Variants in ACSS3 observed in about 807,000 individuals in gnomAD.
ACSS3 encodes the protein acyl-CoA synthetase short chain family member 3, also known as acyl-CoA synthetase short-chain family member 3, mitochondrial.
Under a neutral mutation model 84.2 loss-of-function variants are expected in ACSS3, and 64 were observed. The ratio of observed to expected loss-of-function variants is 0.76; its 90% CI spans 0.62 to 0.94. The LOEUF (loss-of-function observed/expected upper bound fraction) is 0.94, where lower values mean the gene tolerates loss of function less well. Ranked by LOEUF, ACSS3 falls within the 40% of genes least tolerant of loss-of-function variation. The probability of loss-of-function intolerance (pLI) is 0.00; values close to 1 mark genes in which losing one functional copy is unlikely to be tolerated. For synonymous variants in ACSS3, 317 were observed against 310.1 expected, an observed-to-expected ratio of 1.02 and a Z score of -0.23; for missense variants, 815 against 867.6, an observed-to-expected ratio of 0.94 and a Z score of 0.76.
In ACSS3 at chr12:81,257,475, T is replaced by G. The variant is rs987038286; in HGVS notation, c.*2553T>G. ...ATATTACTAAAAAATGCAGACATACTTAAACTTGCTAGAATAAATTCTGTG... is the reference window on the plus strand; with the variant it reads ...ATATTACTAAAAAATGCAGACATACGTAAACTTGCTAGAATAAATTCTGTG... On this transcript the variant is annotated 3_prime_UTR_variant, in exon 16 of 16. Transcript: ENST00000548058. 36 of 151,028 alleles carry G rather than the reference T, an allele frequency of 2.4e-4. No homozygotes were observed. The highest frequency in any genetic ancestry group is 8.7e-4 in the African/African-American group (35 of 40,378). The allele number at this position is 151,028 out of a possible 1,614,324, so 9.4% of individuals were successfully genotyped here.
At chr12:81,080,223 A>G (rs11114750) in intron 1 of ACSS3, among the ~76,000 whole-genome samples, 51,929 of 151,880 alleles carry the variant, frequency 0.34, 9,228 homozygotes, top group East Asian at 0.48. Flanking sequence ...ATTCGAGAGG[A>G]CAATTAGGGA....
At chr12:81,152,138 T>C (rs1379495381) in intron 7 of ACSS3, 42 bp downstream of exon 7, 1 of 1,533,610 alleles carries the variant, frequency 6.5e-7, no homozygotes, top group Admixed American at 1.8e-5. Flanking sequence ...TGATATTTAT[T>C]TTATTAAAAC....
At position 81,258,284 on chromosome 12, in the gene ACSS3, T is replaced by A. The variant is rs1408350934; in HGVS notation, c.*3362T>A. On this transcript the variant is annotated 3_prime_UTR_variant, in exon 16 of 16. Coordinates refer to ENST00000548058, the MANE Select transcript of ACSS3 (RefSeq NM_024560.4). Reference sequence around the variant, plus strand: ...AGAGAACTGGAATTATTATTTTTTTTATTGACAATGGAAAGGGTTTCTGTT... The same window carrying A: ...AGAGAACTGGAATTATTATTTTTTTAATTGACAATGGAAAGGGTTTCTGTT... 2.0e-5 allele frequency: 3 copies of A among 152,154 alleles called. No homozygotes were observed. The highest frequency in any genetic ancestry group is 7.2e-5 in the African/African-American group (3 of 41,444). 9.4% of individuals were successfully genotyped at this position (152,154 alleles called of 1,614,324 possible).
At chr12:81,216,004 A>T (rs2032898131) in intron 9 of ACSS3, among the ~76,000 whole-genome samples, 1 of 152,170 alleles carries the variant, frequency 6.6e-6, no homozygotes, top group Admixed American at 6.5e-5. Flanking sequence ...GGGGCTTCTA[A>T]CATCCAGGAA....
Position 81,083,135 on chromosome 12 carries a change from G to T in ACSS3, c.311+4704G>T, listed in dbSNP as rs12316141. Among the ~76,000 whole-genome samples, 1,184 of 151,746 alleles carry T rather than the reference G, an allele frequency of 7.8e-3. 19 individuals are homozygous for T. The highest frequency in any genetic ancestry group is 0.027 in the African/African-American group (1,127 of 41,536). On this transcript the variant is annotated intron_variant, in intron 1 of 15. Coordinates refer to ENST00000548058, the MANE Select transcript of ACSS3 (RefSeq NM_024560.4). ...TAGACCAGCTGGCTTTTAGTGGCTTGTCTGAGTTGCTGGGACTTACTTTCA... is the reference window on the plus strand; with the variant it reads ...TAGACCAGCTGGCTTTTAGTGGCTTTTCTGAGTTGCTGGGACTTACTTTCA...
At chr12:81,248,590 G>A (rs549025935) in intron 13 of ACSS3, among the ~76,000 whole-genome samples, 14 of 151,980 alleles carry the variant, frequency 9.2e-5, no homozygotes, top group Non-Finnish European at 1.3e-4. Context: ...AAAAGAGATC[G>A]GTTAATGGGT....
At chr12:81,211,405 C>A (rs1463947852) in intron 9 of ACSS3, among the ~76,000 whole-genome samples, 1 of 152,118 alleles carries the variant, frequency 6.6e-6, no homozygotes, top group Non-Finnish European at 1.5e-5. Flanking sequence ...TTTATAAGAA[C>A]TGCCAAATTC....
intron 8 of ACSS3, among the ~76,000 whole-genome samples, chr12:81,184,119 T>G (rs2031110593): frequency 6.6e-6 from 1 of 152,016 alleles, no homozygotes; most frequent in South Asian, 2.1e-4. Context: ...TATGAAACTA[T>G]AAGTTAATAA....
At chr12:81,163,094 A>G (rs1431768803) in intron 7 of ACSS3, among the ~76,000 whole-genome samples, 5 of 152,112 alleles carry the variant, frequency 3.3e-5, no homozygotes, top group Admixed American at 6.5e-5. Context: ...TAACCATTCC[A>G]GATGGGCCAC....
At chr12:81,224,517 CAT>C (rs2033205443) in intron 11 of ACSS3, among the ~76,000 whole-genome samples, 1 of 151,380 alleles carries the variant, frequency 6.6e-6, no homozygotes, top group South Asian at 2.1e-4. Flanking sequence ...TTTCTTATCA[CAT>C]GTTTACATAT....
At chr12:81,216,819 T>C (rs1422763567) in intron 9 of ACSS3, 82 bp from the exon 10 acceptor site, 2 of 1,090,466 alleles carry the variant, frequency 1.8e-6, no homozygotes. Flanking sequence ...CAAACTAGGG[T>C]GGGGTAGAGT....
At chr12:81,155,738 T>C (rs966392121) in intron 7 of ACSS3, among the ~76,000 whole-genome samples, 1 of 152,248 alleles carries the variant, frequency 6.6e-6, no homozygotes, top group African/African-American at 2.4e-5. Context: ...TATGTCATGT[T>C]GACTTATGTC....
Position 81,233,482 on chromosome 12 carries a change from A to C in ACSS3, c.1719+11A>C. On this transcript the variant is annotated intron_variant, in intron 13 of 15. Transcript: ENST00000548058. ...GGCGCCATTGAAGAGGTATTGATGA[A>C]TATTGGTATTCTATTCCAAGTAGTG... 1 of 1,609,794 alleles carries C rather than the reference A, an allele frequency of 6.2e-7. No individual in the cohort carries two copies. The highest frequency in any genetic ancestry group is 8.5e-7 in the Non-Finnish European group (1 of 1,177,200).
At chr12:81,249,823 C>G (rs768820295) in intron 13 of ACSS3, among the ~76,000 whole-genome samples, 62 of 151,964 alleles carry the variant, frequency 4.1e-4, no homozygotes, top group Non-Finnish European at 7.7e-4. Context: ...CTGGCTCCTC[C>G]CATCTTATGA....
Position 81,111,033 on chromosome 12 carries a change from G to A in ACSS3, c.456+1329G>A, listed in dbSNP as rs528665398. Among the ~76,000 whole-genome samples the A allele has an allele frequency of 6.0e-4, 92 of 152,258 alleles. 1 individual carries two copies. The highest frequency in any genetic ancestry group is 2.1e-3 in the African/African-American group (88 of 41,560). Reference sequence around the variant, plus strand: ...TAAAGGATCGCCTTTCCAGTCCTGAGTTGTTGCAAATAAGAGAGAAGAGTT... The same window carrying A: ...TAAAGGATCGCCTTTCCAGTCCTGAATTGTTGCAAATAAGAGAGAAGAGTT... On this transcript the variant is annotated intron_variant, in intron 2 of 15. Transcript: ENST00000548058.
At chr12:81,215,551 G>A (rs1366464733) in intron 9 of ACSS3, among the ~76,000 whole-genome samples, 1 of 152,164 alleles carries the variant, frequency 6.6e-6, no homozygotes, top group Non-Finnish European at 1.5e-5. Flanking sequence ...AGAGCCCATG[G>A]TAGAAGGAAC....
At chr12:81,235,463 C>G (rs2033602580) in intron 13 of ACSS3, among the ~76,000 whole-genome samples, 1 of 151,254 alleles carries the variant, frequency 6.6e-6, no homozygotes, top group Admixed American at 6.6e-5. Context: ...TGTAGCTATA[C>G]TAGTTCCTTT....
In ACSS3 at chr12:81,213,486, A is replaced by AGGAAC. The variant is rs1211417075; in HGVS notation, c.1355-3415_1355-3414insGGAAC. Among the ~76,000 whole-genome samples the AGGAAC allele has an allele frequency of 1.4e-4, 21 of 151,828 alleles. No homozygotes were observed. In the South Asian group the frequency reaches 4.2e-3, roughly 30 times the overall value. ...TTTGTTCTACCTATGATTCCTTAGT[A>AGGAAC]TGCTTAGAGTCCTAGGAACTGCCAT... On this transcript the variant is annotated intron_variant, in intron 9 of 15. Transcript: ENST00000548058.
intron 13 of ACSS3, among the ~76,000 whole-genome samples, chr12:81,238,396 T>C (rs1447243511): frequency 6.6e-6 from 1 of 151,780 alleles, no homozygotes; most frequent in African/African-American, 2.4e-5. Context: ...ATGACTTCTG[T>C]CATTGGAACG....
Sources: allele counts gnomAD v4.1 joint callset (sites outside exome capture counted in the v4.1 genomes callset), GRCh38; gene constraint gnomAD v4.1.1; transcripts MANE v1.5; gene names NCBI Gene and HGNC (gene_info 2026-07-23, HGNC 2026-07-21).